PCDHGA8: variants seen among roughly 807,000 people sequenced by gnomAD.
The protein encoded by PCDHGA8 is protocadherin gamma subfamily A, 8.
Under a neutral mutation model 59.2 loss-of-function variants are expected in PCDHGA8, and 45 were observed. The observed-to-expected ratio is 0.76, with a 90% CI of 0.60 to 0.98. The LOEUF is 0.98. Ranked by LOEUF, PCDHGA8 falls within the 50% of genes least tolerant of loss-of-function variation. The pLI, the probability that PCDHGA8 is intolerant of heterozygous loss-of-function variation, is 0.00. For missense variants in PCDHGA8, 1,257 were observed against 1,196.2 expected, an observed-to-expected ratio of 1.05 and a Z score of -0.75; for synonymous variants, 531 against 519.0, an observed-to-expected ratio of 1.02 and a Z score of -0.32.
chr5:141,435,066 G>A (rs936110088), intron 1 of PCDHGA8, among the ~76,000 whole-genome samples: 3 of 151,920 alleles, frequency 2.0e-5, no homozygotes, highest in African/African-American at 7.3e-5. Context: ...GCAGTTTTGT[G>A]TAGACCGTCT....
At chr5:141,427,857 G>T (rs746661329) in intron 1 of PCDHGA8, 2 of 1,554,576 alleles carry the variant, frequency 1.3e-6, no homozygotes, top group Admixed American at 3.3e-5. Flanking sequence ...GCAGCTGTGC[G>T]CCTTCGAGCT....
rs571588941 is a variant in PCDHGA8, at chr5:141,428,181, A to T, written c.2424+32944A>T. The T allele has an allele frequency of 1.2e-4, 181 of 1,486,230 alleles. 2 individuals carry two copies. In the South Asian group the frequency reaches 2.0e-3, roughly 16 times the overall value. The allele number at this position is 1,486,230 out of a possible 1,614,324, so 92.1% of individuals were successfully genotyped here. A position where few individuals can be genotyped will look rare whatever the true frequency, so the allele number is the denominator to read the frequency against. ...CTGGTTGCTGTGCGTGACGGAGGAC[A>T]GCCGCCGCTCTCTGCGCCGCTACGC... On this transcript the variant is annotated intron_variant, in intron 1 of 3. Coordinates refer to ENST00000398604, the MANE Select transcript of PCDHGA8 (RefSeq NM_032088.2).
At chr5:141,419,916 C>T in intron 1 of PCDHGA8, 1 of 1,614,080 alleles carries the variant, frequency 6.2e-7, no homozygotes, top group Non-Finnish European at 8.5e-7. Context: ...GACTCCCAGG[C>T]TGAGATGCAG....
Position 141,400,778 on chromosome 5 carries a change from T to A in PCDHGA8, c.2424+5541T>A, listed in dbSNP as rs1589424490. ...TCTCTAGCAAAAACATTTGGTGCGT[T>A]TTTTTGTCCTCTTTCTCAAAGCTAA... On this transcript the variant is annotated intron_variant, in intron 1 of 3. Coordinates refer to ENST00000398604, the MANE Select transcript of PCDHGA8 (RefSeq NM_032088.2). 6 of 568,120 alleles carry A rather than the reference T, an allele frequency of 1.1e-5. No individual in the cohort carries two copies. The East Asian group carries it at 1.7e-4, about 16-fold the overall frequency. 35.2% of individuals were successfully genotyped at this position (568,120 alleles called of 1,614,324 possible).
At chr5:141,430,853 C>G (rs769009864) in intron 1 of PCDHGA8, 2 of 1,587,214 alleles carry the variant, frequency 1.3e-6, no homozygotes, top group Non-Finnish European at 1.7e-6. Flanking sequence ...CACCCAGATA[C>G]GCTATTCAGT....
At chr5:141,463,725 C>T (rs1259646105) in intron 1 of PCDHGA8, among the ~76,000 whole-genome samples, 2 of 152,026 alleles carry the variant, frequency 1.3e-5, no homozygotes, top group Non-Finnish European at 1.5e-5. Context: ...GGATTACAGG[C>T]ATGAGCCACC....
intron 1 of PCDHGA8, chr5:141,415,740 G>GTTTTTTTTTTTTTGTTT (rs2095912299): frequency 1.9e-6 from 1 of 515,998 alleles, no homozygotes; most frequent in Non-Finnish European, 2.6e-6. Context: ...GTTTATTAAG[G>GTTTTTTTTTTTTTGTTT]TTTTTTTTTT....
At chr5:141,468,382 G>T (rs1247387630) in intron 1 of PCDHGA8, 1 of 151,194 alleles carries the variant, frequency 6.6e-6, no homozygotes, top group Non-Finnish European at 1.5e-5. Context: ...GCCATACAAG[G>T]CTACCCATTT....
intron 1 of PCDHGA8, chr5:141,478,160 GC>G (rs764598056): frequency 1.9e-6 from 3 of 1,613,964 alleles, no homozygotes; most frequent in Non-Finnish European, 2.5e-6. Flanking sequence ...CTCTGGCTCT[GC>G]CCCCCGGGAG....
At chr5:141,505,592 A>G in intron 3 of PCDHGA8, 111 bp downstream of exon 3, 1 of 1,567,266 alleles carries the variant, frequency 6.4e-7, no homozygotes. Context: ...GTTTCTCCAG[A>G]TCTTTCGGCA....
At position 141,393,458 on chromosome 5, in the gene PCDHGA8, G is replaced by C; in HGVS notation, c.645G>C (p.Ser215=). The part of the protein sequence containing the change: ...EAAHHLVLTA[S]DGGKPPRSST... ...CTCACCACCTGGTCCTCACGGCCTC[G>C]GATGGCGGCAAGCCGCCTCGCTCTA... Residue 215 remains serine, a synonymous_variant, in exon 1 of 4, where the codon TCG becomes TCC. Transcript: ENST00000398604. The C allele has an allele frequency of 6.2e-7, 1 of 1,614,020 alleles. No individual in the cohort carries two copies. The highest frequency in any genetic ancestry group is 8.5e-7 in the Non-Finnish European group (1 of 1,179,900).
chr5:141,400,499 G>A (rs1258690272), intron 1 of PCDHGA8: 8 of 1,613,910 alleles, frequency 5.0e-6, no homozygotes, highest in Non-Finnish European at 6.8e-6. Context: ...TGTAATTCCA[G>A]CGAGTCGACT....
chr5:141,407,123 C>T (rs1271155338), intron 1 of PCDHGA8, among the ~76,000 whole-genome samples: 2 of 152,078 alleles, frequency 1.3e-5, no homozygotes, highest in East Asian at 3.8e-4. Context: ...GTTTCAGTTG[C>T]TTTATTTTTA....
chr5:141,423,693 G>A (rs114008539), intron 1 of PCDHGA8: 1 of 1,396,244 alleles, frequency 7.2e-7, no homozygotes, highest in Non-Finnish European at 9.4e-7. Flanking sequence ...CTAATTGTTG[G>A]TGTCTTGGCA....
At position 141,489,969 on chromosome 5, in the gene PCDHGA8, A is replaced by C. The variant is rs746202385; in HGVS notation, c.2425-4838A>C. On this transcript the variant is annotated intron_variant, in intron 1 of 3. Coordinates refer to ENST00000398604, the MANE Select transcript of PCDHGA8 (RefSeq NM_032088.2). This position sits in a 1 kb window ranked among gnomAD's most constrained non-coding sequence, Gnocchi z 4.5. The stretch of plus-strand genomic sequence containing the variant: ...TCAATGATAATGCTCCAACCTTCCA[A>C]TCCTCAGTTCTACGTGTGGGAATCC... 4 of 1,614,008 alleles carry C rather than the reference A, an allele frequency of 2.5e-6. No individual in the cohort carries two copies.
chr5:141,470,778 C>A (rs1047167697), intron 1 of PCDHGA8, among the ~76,000 whole-genome samples: 1 of 152,132 alleles, frequency 6.6e-6, no homozygotes, highest in African/African-American at 2.4e-5. Context: ...GTCTTGAATT[C>A]CTGGGCTCAA....
chr5:141,455,660 G>A (rs1485792613), intron 1 of PCDHGA8, among the ~76,000 whole-genome samples: 1 of 152,134 alleles, frequency 6.6e-6, no homozygotes, highest in Non-Finnish European at 1.5e-5. Flanking sequence ...CCAGGAACTT[G>A]TGGGGCAAGG....
chr5:141,489,459 C>T lies in PCDHGA8; in HGVS notation c.2425-5348C>T. The T allele has an allele frequency of 6.2e-7, 1 of 1,614,086 alleles. No homozygotes were observed. The highest frequency in any genetic ancestry group is 8.5e-7 in the Non-Finnish European group (1 of 1,180,012). On this transcript the variant is annotated intron_variant, in intron 1 of 3. Coordinates refer to ENST00000398604, the MANE Select transcript of PCDHGA8 (RefSeq NM_032088.2). The surrounding 1 kb of genome is among the most constrained non-coding windows in gnomAD (Gnocchi z 4.5). The stretch of plus-strand genomic sequence containing the variant: ...AATTGGGCTCTGAGGAGAATGGGCG[C>T]TATTTTTCCCTGAGCTTGATGAGTG...
At chr5:141,459,531 A>G (rs1479666418) in intron 1 of PCDHGA8, among the ~76,000 whole-genome samples, 2 of 152,184 alleles carry the variant, frequency 1.3e-5, no homozygotes, top group Admixed American at 1.3e-4. Context: ...TTTTGTAGGC[A>G]TATTTTTTTT....
Sources: allele counts gnomAD v4.1 joint callset (sites outside exome capture counted in the v4.1 genomes callset), GRCh38; gene constraint gnomAD v4.1.1; non-coding constraint Gnocchi (gnomAD v3.1); transcripts MANE v1.5; gene names NCBI Gene and HGNC (gene_info 2026-07-23, HGNC 2026-07-21).